The following TACC2 variants were observed in gnomAD, a reference collection of about 807,000 sequenced individuals.
TACC2 encodes the protein transforming acidic coiled-coil containing protein 2.
In TACC2, 137 loss-of-function variants were observed where a neutral mutation model predicts 227.3. The observed-to-expected ratio is 0.60, with a 90% CI of 0.52 to 0.69. The LOEUF is 0.69. Ranked by LOEUF, TACC2 falls within the 30% of genes least tolerant of loss-of-function variation. The pLI, the probability that TACC2 is intolerant of heterozygous loss-of-function variation, is 0.00. For synonymous variants in TACC2, 1,523 were observed against 1,487.5 expected (o/e 1.02, Z -0.55); for missense variants, 3,470 against 3,694.4 (o/e 0.94, Z 1.57).
chr10:122,023,778 G>T (rs537420764), intron 2 of TACC2: 1 of 135,478 alleles, frequency 7.4e-6, no homozygotes, highest in African/African-American at 2.8e-5. Context: ...ATGTACCCTA[G>T]AACTTAAAGT....
intron 5 of TACC2, among the ~76,000 whole-genome samples, chr10:122,132,037 AAAG>A (rs2088260807): frequency 2.8e-3 from 4 of 1,446 alleles, no homozygotes; most frequent in Non-Finnish European, 0.013. Flanking sequence ...AAAGAAAAAG[AAAG>A]AAAGAAAGAA....
At chr10:122,211,850 A>C (rs1296524272) in intron 9 of TACC2, 142 bp downstream of exon 9, 6 of 639,130 alleles carry the variant, frequency 9.4e-6, no homozygotes, top group Non-Finnish European at 1.5e-5. Context: ...CGGCCGTTGC[A>C]CCAAGCAGAC....
intron 6 of TACC2, 127 bp downstream of exon 6, chr10:122,132,861 CA>C: frequency 3.1e-6 from 3 of 970,102 alleles, no homozygotes; most frequent in Non-Finnish European, 4.7e-6. Context: ...CCTCTGCACA[CA>C]CACACAGGGT....
intron 22 of TACC2, among the ~76,000 whole-genome samples, chr10:122,251,731 C>A (rs191974738): frequency 6.6e-6 from 1 of 152,136 alleles, no homozygotes; most frequent in Non-Finnish European, 1.5e-5. Flanking sequence ...GAAATAAAAA[C>A]CATACTTCAC....
At chr10:122,005,225 G>T (rs1954923367) in intron 1 of TACC2, among the ~76,000 whole-genome samples, 1 of 151,580 alleles carries the variant, frequency 6.6e-6, no homozygotes, top group African/African-American at 2.4e-5. Flanking sequence ...GGGATTACAG[G>T]CATCCACCAC....
intron 2 of TACC2, among the ~76,000 whole-genome samples, chr10:122,029,928 TG>T (rs1958730337): frequency 2.2e-5 from 1 of 46,352 alleles, no homozygotes; most frequent in Non-Finnish European, 4.5e-5. Flanking sequence ...GTGGGGAGGG[TG>T]GGAGGTGTGT....
At chr10:122,027,677 G>C (rs2943761) in intron 2 of TACC2, among the ~76,000 whole-genome samples, 6 of 151,548 alleles carry the variant, frequency 4.0e-5, no homozygotes, top group African/African-American at 1.5e-4. Flanking sequence ...TGTTTTTGCT[G>C]TTCTTGCACC....
chr10:122,189,816 A>G (rs911463165), intron 7 of TACC2, among the ~76,000 whole-genome samples: 1 of 152,218 alleles, frequency 6.6e-6, no homozygotes. Context: ...GTGCTCCATG[A>G]AGGTAGGCCT....
chr10:122,073,889 C>T (rs571171381), intron 3 of TACC2, among the ~76,000 whole-genome samples: 9 of 152,206 alleles, frequency 5.9e-5, no homozygotes, highest in Non-Finnish European at 1.2e-4. Context: ...ACACCATTCT[C>T]CTGCCTCAGC....
At chr10:122,118,411 G>A (rs1343730294) in intron 5 of TACC2, among the ~76,000 whole-genome samples, 1 of 152,166 alleles carries the variant, frequency 6.6e-6, no homozygotes, top group African/African-American at 2.4e-5. Flanking sequence ...TTGTCTTGTG[G>A]TCAGCCGTGT....
chr10:122,102,053 G>A (rs1481989712), intron 5 of TACC2, among the ~76,000 whole-genome samples: 4 of 152,062 alleles, frequency 2.6e-5, no homozygotes, highest in African/African-American at 9.7e-5. Context: ...TGCTTACGCA[G>A]ACCTAGACGG....
At chr10:122,125,127 G>GCT (rs1565370092) in intron 5 of TACC2, among the ~76,000 whole-genome samples, 2 of 152,166 alleles carry the variant, frequency 1.3e-5, no homozygotes, top group Admixed American at 6.5e-5. Flanking sequence ...CATGTGCCAT[G>GCT]CTCTATGTCA....
chr10:122,096,589 A>G (rs896476047), intron 5 of TACC2, among the ~76,000 whole-genome samples: 4 of 151,202 alleles, frequency 2.6e-5, no homozygotes, highest in Admixed American at 2.6e-4. Flanking sequence ...CCAGCTACAC[A>G]GGAGGCTGAG....
At chr10:122,089,420 C>T (rs71484699) in intron 5 of TACC2, among the ~76,000 whole-genome samples, 12 of 152,186 alleles carry the variant, frequency 7.9e-5, no homozygotes, top group Admixed American at 2.6e-4. Context: ...CAGGAGATCT[C>T]GAGATTCAAG....
intron 5 of TACC2, among the ~76,000 whole-genome samples, chr10:122,122,397 A>G (rs1231616235): frequency 6.6e-6 from 1 of 152,204 alleles, no homozygotes; most frequent in East Asian, 1.9e-4. Context: ...TGCCTTCTTC[A>G]TAGCAGTGAT....
At chr10:122,035,227 G>A (rs902731093) in intron 2 of TACC2, among the ~76,000 whole-genome samples, 5 of 152,198 alleles carry the variant, frequency 3.3e-5, no homozygotes, top group East Asian at 1.9e-4. Context: ...GTGATGTGAC[G>A]TGGATATGGT....
intron 1 of TACC2, among the ~76,000 whole-genome samples, chr10:122,015,800 C>T (rs962493401): frequency 1.3e-5 from 2 of 151,782 alleles, no homozygotes; most frequent in Non-Finnish European, 2.9e-5. Flanking sequence ...TGCAGTGAGC[C>T]GAGATCGCTG....
At chr10:122,222,325 A>T (rs1318854303) in intron 11 of TACC2, among the ~76,000 whole-genome samples, 1 of 152,034 alleles carries the variant, frequency 6.6e-6, no homozygotes, top group Non-Finnish European at 1.5e-5. Context: ...GGAAGTATTT[A>T]TTTTTTTTAC....
intron 5 of TACC2, among the ~76,000 whole-genome samples, chr10:122,124,840 A>G (rs750768745): frequency 1.3e-5 from 2 of 152,088 alleles, no homozygotes; most frequent in Non-Finnish European, 2.9e-5. Context: ...CTCTCTCTAT[A>G]TGAGTAATAT....
Sources: allele counts gnomAD v4.1 joint callset (sites outside exome capture counted in the v4.1 genomes callset), GRCh38; gene constraint gnomAD v4.1.1; transcripts MANE v1.5; gene names NCBI Gene and HGNC (gene_info 2026-07-23, HGNC 2026-07-21).